Variants in GPHN observed in about 807,000 individuals in gnomAD.
The protein encoded by GPHN is gephyrin.
In GPHN, 17 loss-of-function variants were observed where a neutral mutation model predicts 95.5. That is an observed-to-expected ratio of 0.18 (90% CI 0.12 to 0.27). The LOEUF (loss-of-function observed/expected upper bound fraction) is 0.27, where lower values mean the gene tolerates loss of function less well. GPHN is among the 10% of genes least tolerant of loss of function. The pLI, the probability that GPHN is intolerant of heterozygous loss-of-function variation, is 1.00. For synonymous variants in GPHN, 320 were observed against 322.5 expected (o/e 0.99, Z 0.08); for missense variants, 660 against 978.1 (o/e 0.67, Z 4.34).
the GPHN span, among the ~76,000 whole-genome samples, chr14:67,612,266 G>A: frequency 5.5e-4 from 83 of 152,274 alleles, 1 homozygote; most frequent in African/African-American, 1.9e-3. Context: ...CCTTCTCCCA[G>A]AGCCATAGGA....
the GPHN span, among the ~76,000 whole-genome samples, chr14:67,409,089 A>G: frequency 6.6e-6 from 1 of 151,880 alleles, no homozygotes; most frequent in Admixed American, 6.6e-5. Flanking sequence ...GCAAAAAACA[A>G]AACATTAGCT....
At chr14:67,300,389 G>A in the GPHN span, among the ~76,000 whole-genome samples, 5 of 148,954 alleles carry the variant, frequency 3.4e-5, no homozygotes, top group East Asian at 2.0e-4. Context: ...ATGCAGTGGC[G>A]CCATCTCAGC....
At chr14:66,756,390 A>T (rs1240587337) in intron 2 of GPHN, among the ~76,000 whole-genome samples, 1 of 152,078 alleles carries the variant, frequency 6.6e-6, no homozygotes, top group Non-Finnish European at 1.5e-5. Flanking sequence ...CAGGTTTCTT[A>T]TCTAAACCTG....
the GPHN span, chr14:67,724,709 C>A: frequency 1.2e-6 from 1 of 818,288 alleles, no homozygotes; most frequent in Middle Eastern, 3.0e-4. Flanking sequence ...ACTAGAAATT[C>A]AAGGAACCTG....
At chr14:66,730,818 A>G (rs941230558) in intron 2 of GPHN, among the ~76,000 whole-genome samples, 1 of 152,220 alleles carries the variant, frequency 6.6e-6, no homozygotes, top group Non-Finnish European at 1.5e-5. Flanking sequence ...TATGTGGAAT[A>G]CATGTTTTCT....
intron 10 of GPHN, among the ~76,000 whole-genome samples, chr14:67,058,025 C>G (rs1186386805): frequency 6.6e-6 from 1 of 151,912 alleles, no homozygotes; most frequent in Non-Finnish European, 1.5e-5. Flanking sequence ...AAAGTGCAGC[C>G]TATCACAAAA....
intron 2 of GPHN, among the ~76,000 whole-genome samples, chr14:66,758,733 G>T (rs1438769489): frequency 6.6e-6 from 1 of 152,088 alleles, no homozygotes; most frequent in Non-Finnish European, 1.5e-5. Context: ...GAAACCTCCG[G>T]GTTATGGGTA....
chr14:67,613,615 C>G, the GPHN span: 3 of 221,056 alleles, frequency 1.4e-5, no homozygotes. Context: ...ACTGCTCTTA[C>G]TGCAGGAAGT....
intron 3 of GPHN, among the ~76,000 whole-genome samples, chr14:66,822,107 G>A (rs1487172312): frequency 7.2e-5 from 11 of 151,850 alleles, no homozygotes; most frequent in Admixed American, 6.6e-5. Flanking sequence ...ACCCACCACC[G>A]TGCCCGGCCA....
the GPHN span, among the ~76,000 whole-genome samples, chr14:67,414,663 C>T: frequency 3.9e-5 from 6 of 152,242 alleles, no homozygotes; most frequent in Admixed American, 1.3e-4. Flanking sequence ...ATAGGTGACT[C>T]ACAGCCTGAT....
At chr14:67,081,338 G>C (rs916963578) in intron 11 of GPHN, among the ~76,000 whole-genome samples, 5 of 152,076 alleles carry the variant, frequency 3.3e-5, no homozygotes, top group Non-Finnish European at 7.4e-5. Flanking sequence ...TTGTGGTTTT[G>C]ATTTGCATTT....
At chr14:67,227,272 T>G in the GPHN span, among the ~76,000 whole-genome samples, 2 of 151,850 alleles carry the variant, frequency 1.3e-5, no homozygotes, top group African/African-American at 4.8e-5. Flanking sequence ...AAACCCCATC[T>G]CTACTATAAA....
intron 17 of GPHN, among the ~76,000 whole-genome samples, chr14:67,140,279 G>A (rs2080372195): frequency 6.6e-6 from 1 of 151,956 alleles, no homozygotes; most frequent in African/African-American, 2.4e-5. Flanking sequence ...AGCTCCTTGG[G>A]AGACTGAGGC....
intron 5 of GPHN, among the ~76,000 whole-genome samples, chr14:66,911,061 T>G (rs1006214105): frequency 1.3e-5 from 2 of 152,074 alleles, no homozygotes; most frequent in African/African-American, 4.8e-5. Flanking sequence ...AATGAAAATA[T>G]ATTTAGATAA....
the GPHN span, among the ~76,000 whole-genome samples, chr14:67,512,783 GAA>G: frequency 2.0e-5 from 3 of 152,084 alleles, no homozygotes; most frequent in African/African-American, 7.2e-5. Flanking sequence ...TGTACACCAG[GAA>G]AAAGCCCACC....
At chr14:66,516,612 A>G (rs2058256987) in intron 1 of GPHN, among the ~76,000 whole-genome samples, 1 of 152,264 alleles carries the variant, frequency 6.6e-6, no homozygotes, top group African/African-American at 2.4e-5. Context: ...TTTGTATAGT[A>G]CTTCACGATT....
intron 4 of GPHN, among the ~76,000 whole-genome samples, chr14:66,857,338 T>C (rs760547717): frequency 2.6e-5 from 4 of 152,160 alleles, no homozygotes; most frequent in Non-Finnish European, 4.4e-5. Flanking sequence ...ATCCTAACGG[T>C]ATAGTGTATC....
At chr14:67,591,624 T>C in the GPHN span, among the ~76,000 whole-genome samples, 2 of 152,148 alleles carry the variant, frequency 1.3e-5, no homozygotes, top group African/African-American at 2.4e-5. Context: ...CTTGACCTCC[T>C]GGGCTCAAGC....
intron 11 of GPHN, among the ~76,000 whole-genome samples, chr14:67,085,509 G>A (rs1200194410): frequency 6.6e-6 from 1 of 152,154 alleles, no homozygotes; most frequent in Non-Finnish European, 1.5e-5. Context: ...AGTATCAACT[G>A]TCTTTCAAAC....
Sources: gnomAD v4.1 joint callset for allele counts (sites outside exome capture counted in the v4.1 genomes callset) on GRCh38, gnomAD v4.1.1 for gene constraint, MANE v1.5 for transcripts, NCBI Gene and HGNC (gene_info 2026-07-23, HGNC 2026-07-21) for gene names.